KANSL1: variants seen among roughly 807,000 people sequenced by gnomAD.
KANSL1 encodes the protein KAT8 regulatory NSL complex subunit 1.
KANSL1 carries 22 observed loss-of-function variants against 103.6 expected under a neutral mutation model. That is an observed-to-expected ratio of 0.21 (90% CI 0.15 to 0.30). The LOEUF is 0.30. Ranked by LOEUF, KANSL1 falls within the 10% of genes least tolerant of loss-of-function variation. The pLI is 1.00. For missense variants in KANSL1, 1,337 were observed against 1,399.8 expected, an observed-to-expected ratio of 0.96 and a Z score of 0.72; for synonymous variants, 600 against 527.6, an observed-to-expected ratio of 1.14 and a Z score of -1.88.
intron 3 of KANSL1, among the ~76,000 whole-genome samples, chr17:46,084,381 C>CCAACAACAA (rs74515016): frequency 2.0e-4 from 31 of 151,332 alleles, no homozygotes; most frequent in Non-Finnish European, 3.8e-4. Flanking sequence ...GGCTCTATCT[C>CCAACAACAA]CAACAACAAC....
intron 4 of KANSL1, among the ~76,000 whole-genome samples, chr17:46,072,600 A>T (rs2078617980): frequency 4.6e-5 from 7 of 152,170 alleles, no homozygotes. Context: ...TTGCTGGCCT[A>T]TAAATAGTAT....
Position 46,067,537 on chromosome 17 carries a change from G to A in KANSL1, c.1652+12C>T. The A allele has an allele frequency of 6.8e-7, 1 of 1,475,900 alleles. No homozygotes were observed. Among genetic ancestry groups the A allele is most frequent in the Non-Finnish European group, 9.5e-7 (1 of 1,054,106 alleles). The allele number at this position is 1,475,900 out of a possible 1,614,324, so 91.4% of individuals were successfully genotyped here. The stretch of plus-strand genomic sequence containing the variant: ...TCTACTAAGTGTAGGAAGTAGAAGA[G>A]CTAAAACTTACGTGTTAATAACTCC... On this transcript the variant is annotated intron_variant, in intron 5 of 14. Transcript: ENST00000432791.
intron 2 of KANSL1, among the ~76,000 whole-genome samples, chr17:46,169,021 C>T (rs1434063441): frequency 3.9e-5 from 6 of 152,208 alleles, no homozygotes; most frequent in Admixed American, 3.3e-4. Context: ...TTCAATGCAA[C>T]GTATCCTGAA....
rs1202646378 is a variant in KANSL1 at position 46,032,058 on chromosome 17, G to A, written c.3079C>T (p.Leu1027=). ...DTRCSTPELG[L]DEQSVQPWER... Reference sequence around the variant, plus strand: ...GCTGCGTCCCTTACCTGTTCATCCAGCCCCAGCTCTGGTGTGGAACAACGG... The same window carrying A: ...GCTGCGTCCCTTACCTGTTCATCCAACCCCAGCTCTGGTGTGGAACAACGG... Residue 1027 remains leucine, a synonymous_variant, in exon 14 of 15, where the codon CTG becomes TTG. Transcript: ENST00000432791. 1.2e-6 allele frequency: 2 copies of A among 1,614,032 alleles called. No individual in the cohort carries two copies. The highest frequency in any genetic ancestry group is 1.7e-6 in the Non-Finnish European group (2 of 1,180,042).
At chr17:46,154,169 C>T (rs954049478) in intron 2 of KANSL1, among the ~76,000 whole-genome samples, 3 of 152,174 alleles carry the variant, frequency 2.0e-5, no homozygotes, top group East Asian at 1.9e-4. Flanking sequence ...AGCACTGGTT[C>T]GCACACCTCT....
At chr17:46,185,839 T>C (rs1016188148) in intron 1 of KANSL1, among the ~76,000 whole-genome samples, 1 of 151,740 alleles carries the variant, frequency 6.6e-6, no homozygotes, top group Non-Finnish European at 1.5e-5. Flanking sequence ...CTAGACAACA[T>C]AGCAAGATAC....
In KANSL1 at chr17:46,066,572, C is replaced by G; in HGVS notation, c.1813G>C (p.Val605Leu). 1 of 1,613,666 alleles carries G rather than the reference C, an allele frequency of 6.2e-7. No individual in the cohort carries two copies. Residue 605 changes from valine to leucine, a missense_variant, in exon 6 of 15, where the codon GTT (valine) becomes CTT (leucine). Physicochemically the swap from Val to Leu is conservative, Grantham distance 32 (BLOSUM62 1). Coordinates refer to ENST00000432791, the MANE Select transcript of KANSL1 (RefSeq NM_015443.4). ...AGAGGAACGATGCTGTTGGGTCGAA[C>G]AAGCCTCCGCTTCTTACAGCTCAGT... ...PVLSCKKRRL[V>L]RPNSIVPLSK...
intron 4 of KANSL1, among the ~76,000 whole-genome samples, chr17:46,072,696 A>C (rs1395507564): frequency 6.6e-6 from 1 of 152,164 alleles, no homozygotes; most frequent in African/African-American, 2.4e-5. Flanking sequence ...ATTTTCACTA[A>C]GTTATTGCCT....
rs1414202732 is a variant in KANSL1 at position 46,082,662 on chromosome 17, G to C, written c.1432-120C>G. On this transcript the variant is annotated intron_variant, in intron 3 of 14. Coordinates refer to ENST00000432791, the MANE Select transcript of KANSL1 (RefSeq NM_015443.4). ...AGAGGCCCCCTCTTCCTCACCCTAT[G>C]GTTCAGAAACAAACTACAGCAGCAG... 3 of 523,338 alleles carry C rather than the reference G, an allele frequency of 5.7e-6. No homozygotes were observed. The East Asian group carries it at 9.3e-5, about 16-fold the overall frequency. The allele number at this position is 523,338 out of a possible 1,614,324, so 32.4% of individuals were successfully genotyped here.
chr17:46,139,700 T>C (rs560143379), intron 2 of KANSL1, among the ~76,000 whole-genome samples: 15 of 152,346 alleles, frequency 9.8e-5, no homozygotes, highest in African/African-American at 3.6e-4. Flanking sequence ...ATTACGTACA[T>C]AAAAGCATAA....
intron 1 of KANSL1, among the ~76,000 whole-genome samples, chr17:46,179,794 C>T (rs916873224): frequency 3.9e-5 from 6 of 152,328 alleles, no homozygotes; most frequent in East Asian, 1.9e-4. Context: ...TTGGGCCGGG[C>T]GCAGTGACTC....
intron 1 of KANSL1, among the ~76,000 whole-genome samples, chr17:46,186,192 A>T (rs1240861734): frequency 6.6e-6 from 1 of 150,972 alleles, no homozygotes. Flanking sequence ...TGGCTAACAC[A>T]GTGAAACCCC....
intron 6 of KANSL1, among the ~76,000 whole-genome samples, chr17:46,063,318 C>G (rs996188683): frequency 4.6e-5 from 7 of 152,220 alleles, no homozygotes; most frequent in African/African-American, 1.7e-4. Flanking sequence ...CCAATGCAAC[C>G]TGGCTGCCCT....
intron 2 of KANSL1, among the ~76,000 whole-genome samples, chr17:46,152,151 TG>T (rs1254245082): frequency 2.0e-5 from 3 of 152,256 alleles, no homozygotes; most frequent in African/African-American, 4.8e-5. Flanking sequence ...TTGAAAACTA[TG>T]AATTTTGAGG....
At chr17:46,059,048 GAAA>G (rs111461865) in intron 6 of KANSL1, among the ~76,000 whole-genome samples, 2 of 108,348 alleles carry the variant, frequency 1.8e-5, no homozygotes, top group African/African-American at 3.2e-5. Flanking sequence ...CTCCATCTCG[GAAA>G]AAAAAAAAAA....
At position 46,082,505 on chromosome 17, in the gene KANSL1, T is replaced by G. The variant is rs2079022531; in HGVS notation, c.1469A>C (p.His490Pro). 3 of 1,612,512 alleles carry G rather than the reference T, an allele frequency of 1.9e-6. No individual in the cohort carries two copies. Among genetic ancestry groups the G allele is most frequent in the Middle Eastern group, 1.6e-4 (1 of 6,082 alleles). ...AAGTGGAAGAAATAAGTCTGTTGTATGCTCTGGGGGAGGTACCTCCCCAAG... is the reference window on the plus strand; with the variant it reads ...AAGTGGAAGAAATAAGTCTGTTGTAGGCTCTGGGGGAGGTACCTCCCCAAG... ...IVLGEVPPPE[H>P]TTDLFLPLSS... is the part of the protein sequence containing the mutation. The change falls in exon 4 of 15, where the codon CAT becomes CCT. Residue 490 changes from histidine (H) to proline (P), a missense_variant. Physicochemically the swap from His to Pro is moderately conservative, Grantham distance 77. Transcript: ENST00000432791.
intron 3 of KANSL1, among the ~76,000 whole-genome samples, chr17:46,089,596 G>C (rs2079302815): frequency 6.7e-6 from 1 of 149,386 alleles, no homozygotes; most frequent in South Asian, 2.1e-4. Context: ...TGCAACCCAG[G>C]AAGTGCTGGG....
At chr17:46,098,629 G>C (rs1454285567) in intron 2 of KANSL1, among the ~76,000 whole-genome samples, 1 of 152,166 alleles carries the variant, frequency 6.6e-6, no homozygotes, top group Non-Finnish European at 1.5e-5. Flanking sequence ...TGGATAATAT[G>C]GTTAATAAAC....
intron 10 of KANSL1, among the ~76,000 whole-genome samples, chr17:46,036,417 T>C (rs1239238192): frequency 6.8e-6 from 1 of 147,484 alleles, no homozygotes; most frequent in Non-Finnish European, 1.5e-5. Context: ...GGATTGAAAA[T>C]ATTTGGGGGA....
Sources: allele counts gnomAD v4.1 joint callset (sites outside exome capture counted in the v4.1 genomes callset), GRCh38; gene constraint gnomAD v4.1.1; transcripts MANE v1.5; gene names NCBI Gene and HGNC (gene_info 2026-07-23, HGNC 2026-07-21).